Variants in PTPRC observed in about 807,000 individuals in gnomAD.
PTPRC encodes protein tyrosine phosphatase receptor type C.
In PTPRC, 44 loss-of-function variants were observed where a neutral mutation model predicts 155.9. That is an observed-to-expected ratio of 0.28 (90% CI 0.22 to 0.36). The LOEUF (loss-of-function observed/expected upper bound fraction) is 0.36, where lower values mean the gene tolerates loss of function less well. PTPRC is among the 10% of genes least tolerant of loss of function. PTPRC has a pLI of 1.00. For missense variants in PTPRC, 1,401 were observed against 1,564.6 expected, an observed-to-expected ratio of 0.90 and a Z score of 1.76; for synonymous variants, 525 against 533.1, an observed-to-expected ratio of 0.98 and a Z score of 0.21.
chr1:198,640,260 T>C (rs80098022), intron 2 of PTPRC, among the ~76,000 whole-genome samples: 1,883 of 152,078 alleles, frequency 0.012, 34 homozygotes, highest in African/African-American at 0.044. Flanking sequence ...TGATGTAGTA[T>C]CTAAAAGGAC....
intron 26 of PTPRC, among the ~76,000 whole-genome samples, chr1:198,746,791 G>A (rs567888843): frequency 3.3e-5 from 5 of 151,838 alleles, no homozygotes; most frequent in South Asian, 2.1e-4. Flanking sequence ...AGGCTGCCTC[G>A]GTGACTACAC....
chr1:198,746,082 A>G (rs1243011445), intron 26 of PTPRC, among the ~76,000 whole-genome samples: 3 of 151,650 alleles, frequency 2.0e-5, no homozygotes, highest in Admixed American at 2.0e-4. Flanking sequence ...AGAAATGAAG[A>G]GACTAGAGTC....
At position 198,712,944 on chromosome 1, in the gene PTPRC, T is replaced by A; in HGVS notation, c.1172-9T>A. 1.9e-6 allele frequency: 3 copies of A among 1,610,222 alleles called. No homozygotes were observed. The highest frequency in any genetic ancestry group is 2.5e-6 in the Non-Finnish European group (3 of 1,176,544). Reference sequence around the variant, plus strand: ...TTCATATTACATAACATTCTTATTCTTTTAACAGGTCCAGGAGAGCCTCAG... The same window carrying A: ...TTCATATTACATAACATTCTTATTCATTTAACAGGTCCAGGAGAGCCTCAG... On this transcript the variant is annotated splice_polypyrimidine_tract_variant and intron_variant, in intron 11 of 32. Transcript: ENST00000442510.
At chr1:198,683,977 A>G (rs1452454695) in intron 2 of PTPRC, among the ~76,000 whole-genome samples, 1 of 151,960 alleles carries the variant, frequency 6.6e-6, no homozygotes, top group Non-Finnish European at 1.5e-5. Flanking sequence ...TAATATATTA[A>G]CACACTTTAT....
In PTPRC at chr1:198,741,873, A is replaced by C; in HGVS notation, c.2408A>C (p.Lys803Thr). ...IIQKLNIVNKKEKATGREVTH... is the reference protein window; with the variant it reads ...IIQKLNIVNKTEKATGREVTH... ...AAAATATTATCTCTTGACTAGAAAA[A>C]AGAAAAAGCAACTGGAAGAGAGGTG... Residue 803 changes from lysine (K) to threonine (T), a missense_variant, in exon 24 of 33, where the codon AAA becomes ACA. Around this residue, in one of 3 missense-constraint regions of PTPRC, gnomAD observed 867 missense variants for 970.4 expected, o/e 0.89. Transcript: ENST00000442510. 6.2e-7 allele frequency: 1 copy of C among 1,611,502 alleles called. No homozygotes were observed. The highest frequency in any genetic ancestry group is 8.5e-7 in the Non-Finnish European group (1 of 1,178,608).
At chr1:198,664,368 C>T (rs900100394) in intron 2 of PTPRC, among the ~76,000 whole-genome samples, 3 of 152,100 alleles carry the variant, frequency 2.0e-5, no homozygotes, top group African/African-American at 4.8e-5. Flanking sequence ...AGAGACTTAA[C>T]GATGCTATGT....
intron 30 of PTPRC, 51 bp from the exon 31 acceptor site, chr1:198,752,543 A>T (rs1430795668): frequency 6.3e-7 from 1 of 1,575,626 alleles, no homozygotes; most frequent in South Asian, 1.1e-5. Context: ...TCAAATTAGA[A>T]AATAAGCTGA....
chr1:198,671,359 C>T (rs17668708), intron 2 of PTPRC, among the ~76,000 whole-genome samples: 12,104 of 152,164 alleles, frequency 0.08, 616 homozygotes, highest in Middle Eastern at 0.11. Context: ...TTTTCAAAAC[C>T]CTGTCCTCCC....
chr1:198,681,957 T>C (rs928685133), intron 2 of PTPRC, among the ~76,000 whole-genome samples: 1 of 152,204 alleles, frequency 6.6e-6, no homozygotes, highest in Non-Finnish European at 1.5e-5. Flanking sequence ...ATGCTGGTGC[T>C]ATGGCAACCT....
At chr1:198,664,673 G>C (rs1664177760) in intron 2 of PTPRC, among the ~76,000 whole-genome samples, 1 of 152,084 alleles carries the variant, frequency 6.6e-6, no homozygotes, top group Non-Finnish European at 1.5e-5. Context: ...CTTCATCTCA[G>C]ATGTCTACTT....
intron 28 of PTPRC, 38 bp from the exon 29 acceptor site, chr1:198,750,454 T>G: frequency 6.3e-7 from 1 of 1,593,860 alleles, no homozygotes; most frequent in Non-Finnish European, 8.6e-7. Context: ...AGCTCTCTTC[T>G]GTAGTAACGA....
At chr1:198,753,599 G>A (rs1243689401) in intron 31 of PTPRC, among the ~76,000 whole-genome samples, 1 of 152,014 alleles carries the variant, frequency 6.6e-6, no homozygotes, top group Non-Finnish European at 1.5e-5. Flanking sequence ...AAAGAAAGCT[G>A]AGGAAGGGAA....
intron 15 of PTPRC, among the ~76,000 whole-genome samples, chr1:198,726,237 C>G (rs372585571): frequency 1.3e-5 from 2 of 152,130 alleles, no homozygotes; most frequent in East Asian, 3.8e-4. Context: ...AATCTGGAAA[C>G]AATCATGCTG....
chr1:198,699,521 A>G (rs1228858927), intron 4 of PTPRC, 43 bp from the exon 5 acceptor site: 3 of 1,612,282 alleles, frequency 1.9e-6, no homozygotes, highest in Admixed American at 1.7e-5. Context: ...ATTCATCTCC[A>G]GTGGGGGAAG....
intron 26 of PTPRC, among the ~76,000 whole-genome samples, chr1:198,746,714 C>A (rs1315453955): frequency 1.3e-5 from 2 of 151,716 alleles, no homozygotes; most frequent in African/African-American, 4.8e-5. Flanking sequence ...AGTGACAGAT[C>A]CTTTGTGTCT....
chr1:198,694,037 G>T (rs1442940779), intron 3 of PTPRC: 4 of 1,548,606 alleles, frequency 2.6e-6, no homozygotes, highest in Non-Finnish European at 3.5e-6. Flanking sequence ...AAGCTGAGGA[G>T]CAAGGAAGCC....
chr1:198,733,356 T>A (rs1290773047), intron 20 of PTPRC, among the ~76,000 whole-genome samples: 1 of 151,786 alleles, frequency 6.6e-6, no homozygotes, highest in Non-Finnish European at 1.5e-5. Flanking sequence ...AGCATGTGTC[T>A]TCTGCTTTTA....
chr1:198,733,138 A>G (rs1654473407), intron 20 of PTPRC, among the ~76,000 whole-genome samples: 1 of 151,946 alleles, frequency 6.6e-6, no homozygotes, highest in Middle Eastern at 3.4e-3. Context: ...TATTATACAA[A>G]TGTTAATTAA....
At chr1:198,737,091 T>C (rs1654677390) in intron 23 of PTPRC, among the ~76,000 whole-genome samples, 1 of 151,796 alleles carries the variant, frequency 6.6e-6, no homozygotes, top group Non-Finnish European at 1.5e-5. Context: ...TGGATATTAA[T>C]GCTTTGTCAG....
Sources: gnomAD v4.1 joint callset for allele counts (sites outside exome capture counted in the v4.1 genomes callset) on GRCh38, gnomAD v4.1.1 for gene constraint, gnomAD v4.1.1 regional missense constraint, MANE v1.5 for transcripts, NCBI Gene and HGNC (gene_info 2026-07-23, HGNC 2026-07-21) for gene names.